The following OPCML variants were observed in gnomAD, a reference collection of about 807,000 sequenced individuals.
The protein encoded by OPCML is opioid-binding protein/cell adhesion molecule.
A neutral mutation model predicts 37.8 loss-of-function variants in OPCML; 13 were observed. The observed-to-expected ratio is 0.34, with a 90% confidence interval of 0.22 to 0.55. The LOEUF (loss-of-function observed/expected upper bound fraction) is 0.55, where lower values mean the gene tolerates loss of function less well. Ranked by LOEUF, OPCML falls within the 20% of genes least tolerant of loss-of-function variation. The pLI, the probability that OPCML is intolerant of heterozygous loss-of-function variation, is 0.91. For synonymous variants in OPCML, 176 were observed against 168.8 expected (o/e 1.04, Z -0.33); for missense variants, 341 against 435.6 (o/e 0.78, Z 1.93).
chr11:133,381,019 T>C (rs557473494), intron 1 of OPCML, among the ~76,000 whole-genome samples: 8 of 152,220 alleles, frequency 5.3e-5, no homozygotes, highest in Admixed American at 1.3e-4. Context: ...GCGCAGGAAA[T>C]AGGGTTAAAT....
intron 4 of OPCML, among the ~76,000 whole-genome samples, chr11:132,468,054 C>T (rs2096125169): frequency 1.3e-5 from 2 of 152,166 alleles, no homozygotes; most frequent in Admixed American, 1.3e-4. Context: ...GGAAGGCGTA[C>T]TCCTTCATTT....
At chr11:132,778,404 T>C (rs114161656) in intron 2 of OPCML, among the ~76,000 whole-genome samples, 5,330 of 152,238 alleles carry the variant, frequency 0.035, 244 homozygotes, top group African/African-American at 0.1. Flanking sequence ...GGTACGATAC[T>C]AAGAGACATG....
chr11:133,471,722 G>A (rs1352716682), intron 1 of OPCML, among the ~76,000 whole-genome samples: 1 of 152,216 alleles, frequency 6.6e-6, no homozygotes, highest in African/African-American at 2.4e-5. Flanking sequence ...TTGAGGAGTA[G>A]TAAAATGTTT....
chr11:133,438,533 A>T (rs559516407), intron 1 of OPCML, among the ~76,000 whole-genome samples: 2 of 152,338 alleles, frequency 1.3e-5, no homozygotes, highest in Admixed American at 6.5e-5. Context: ...TAAAAGAAAC[A>T]GAGGGAATAA....
chr11:132,628,025 G>A (rs934480432), intron 3 of OPCML, among the ~76,000 whole-genome samples: 2 of 152,056 alleles, frequency 1.3e-5, no homozygotes, highest in African/African-American at 4.8e-5. Context: ...GATTTGACAT[G>A]AAATAAAAAA....
At chr11:132,738,725 T>A (rs747224247) in intron 2 of OPCML, among the ~76,000 whole-genome samples, 2 of 152,214 alleles carry the variant, frequency 1.3e-5, no homozygotes, top group Non-Finnish European at 1.5e-5. Flanking sequence ...ACAAGACTCA[T>A]CCTTTATTGA....
At chr11:132,952,539 C>G (rs1275490871) in intron 1 of OPCML, among the ~76,000 whole-genome samples, 1 of 152,214 alleles carries the variant, frequency 6.6e-6, no homozygotes, top group Non-Finnish European at 1.5e-5. Context: ...AACCTAAGGG[C>G]AGAATTCAGG....
At chr11:132,435,339 A>C in intron 7 of OPCML, 1 of 630,038 alleles carries the variant, frequency 1.6e-6, no homozygotes, top group Non-Finnish European at 2.0e-6. Flanking sequence ...ACCTCTCTTC[A>C]TCCTTCATCC....
intron 2 of OPCML, among the ~76,000 whole-genome samples, chr11:132,863,583 G>T (rs577168626): frequency 6.6e-6 from 1 of 152,294 alleles, no homozygotes; most frequent in African/African-American, 2.4e-5. Context: ...CTCAAGGCAG[G>T]TCACTGAAGT....
intron 1 of OPCML, among the ~76,000 whole-genome samples, chr11:133,037,295 C>A (rs1441273253): frequency 2.6e-5 from 4 of 152,082 alleles, no homozygotes; most frequent in Non-Finnish European, 5.9e-5. Context: ...TTATAAGAAA[C>A]CAAAGATTAG....
intron 2 of OPCML, among the ~76,000 whole-genome samples, chr11:132,679,223 G>T (rs1470586402): frequency 2.6e-5 from 4 of 152,084 alleles, no homozygotes; most frequent in Non-Finnish European, 5.9e-5. Context: ...GATACTATAT[G>T]ACTCAGTAAG....
rs138724140 is a variant in OPCML, at chr11:133,454,707, T to C, written c.61+77557A>G. ...ATTATTAGTATTCTGACTATAAATA[T>C]CATAAAAGAGTTTTTGAGGGAAGCT... On this transcript the variant is annotated intron_variant, in intron 1 of 7. Transcript: ENST00000524381. Among the ~76,000 whole-genome samples the C allele has an allele frequency of 3.5e-3, 539 of 152,316 alleles. 4 individuals are homozygous for C. Among genetic ancestry groups the C allele is most frequent in the African/African-American group, 0.012 (514 of 41,580 alleles).
At chr11:133,274,563 G>A (rs1941939596) in intron 1 of OPCML, among the ~76,000 whole-genome samples, 1 of 152,194 alleles carries the variant, frequency 6.6e-6, no homozygotes, top group Admixed American at 6.5e-5. Flanking sequence ...TGAACCTACA[G>A]CCTCTGGCCC....
Position 132,667,781 on chromosome 11 carries a change from C to T in OPCML, c.147-10462G>A, listed in dbSNP as rs183484728. ...GGATGCAAAAAAGTGAAATAACTATCGCAGAAAATGACATCAAAACTACTA... is the reference window on the plus strand; with the variant it reads ...GGATGCAAAAAAGTGAAATAACTATTGCAGAAAATGACATCAAAACTACTA... On this transcript the variant is annotated intron_variant, in intron 2 of 7. Coordinates refer to ENST00000524381, the MANE Select transcript of OPCML (RefSeq NM_001012393.5). Among the ~76,000 whole-genome samples, 47 of 152,274 alleles carry T rather than the reference C, an allele frequency of 3.1e-4. No individual in the cohort carries two copies. In the East Asian group the frequency reaches 6.4e-3, roughly 21 times the overall value.
intron 1 of OPCML, among the ~76,000 whole-genome samples, chr11:133,304,601 C>T (rs1942864832): frequency 6.6e-6 from 1 of 152,174 alleles, no homozygotes; most frequent in Non-Finnish European, 1.5e-5. Flanking sequence ...CAGACACGAG[C>T]CCCTGCTCCC....
At chr11:132,833,155 ATTTT>A (rs1940802090) in intron 2 of OPCML, among the ~76,000 whole-genome samples, 1 of 152,132 alleles carries the variant, frequency 6.6e-6, no homozygotes, top group African/African-American at 2.4e-5. Flanking sequence ...ATATAGTTTA[ATTTT>A]TTAACTTTTT....
At chr11:132,957,647 C>T (rs555510069) in intron 1 of OPCML, among the ~76,000 whole-genome samples, 4 of 152,144 alleles carry the variant, frequency 2.6e-5, no homozygotes, top group South Asian at 2.1e-4. Flanking sequence ...GCAAGTCTAT[C>T]GGCACCATTT....
At chr11:132,719,500 G>A (rs777321346) in intron 2 of OPCML, among the ~76,000 whole-genome samples, 1 of 152,150 alleles carries the variant, frequency 6.6e-6, no homozygotes, top group Non-Finnish European at 1.5e-5. Flanking sequence ...CAATGTGGTC[G>A]CAGGCAGGCC....
chr11:133,202,251 G>A (rs1938831083), intron 1 of OPCML, among the ~76,000 whole-genome samples: 1 of 152,154 alleles, frequency 6.6e-6, no homozygotes, highest in South Asian at 2.1e-4. Flanking sequence ...ACTAGGTTGG[G>A]TAGATGGGAG....
Sources: allele counts gnomAD v4.1 joint callset (sites outside exome capture counted in the v4.1 genomes callset), GRCh38; gene constraint gnomAD v4.1.1; transcripts MANE v1.5; gene names NCBI Gene and HGNC (gene_info 2026-07-23, HGNC 2026-07-21).